CCNB3: variants seen among roughly 807,000 people sequenced by gnomAD.
CCNB3 encodes G2/mitotic-specific cyclin-B3.
Under a neutral mutation model 68.0 loss-of-function variants are expected in CCNB3, and 12 were observed. That is an observed-to-expected ratio of 0.18 (90% CI 0.11 to 0.29). CCNB3 has a LOEUF of 0.29. Ranked by LOEUF, CCNB3 falls within the 10% of genes least tolerant of loss-of-function variation. CCNB3 has a pLI of 1.00. For synonymous variants in CCNB3, 354 were observed against 388.9 expected (o/e 0.91, Z 1.06); for missense variants, 904 against 993.1 (o/e 0.91, Z 1.21).
intron 8 of CCNB3, among the ~76,000 whole-genome samples, chrX:50,336,993 AAGTTGG>A (rs1169885586): frequency 1.8e-5 from 2 of 111,459 alleles, no homozygotes; most frequent in Non-Finnish European, 3.8e-5. Flanking sequence ...TTTTCGGTGT[AAGTTGG>A]AGTATTATTT....
chrX:50,206,317 A>G (rs1325855038), intron 1 of CCNB3, among the ~76,000 whole-genome samples: 2 of 111,475 alleles, frequency 1.8e-5, no homozygotes, highest in Non-Finnish European at 3.8e-5. Context: ...CACTCCTGTA[A>G]TACCAGCACC....
At chrX:50,341,772 A>G (rs1371738902) in intron 8 of CCNB3, 1 of 128,957 alleles carries the variant, frequency 7.8e-6, no homozygotes, top group Non-Finnish European at 1.6e-5. Context: ...ATATATTCTG[A>G]TAGCATATCT....
intron 8 of CCNB3, among the ~76,000 whole-genome samples, chrX:50,328,339 G>A (rs1922399079): frequency 8.9e-6 from 1 of 112,475 alleles, no homozygotes; most frequent in Non-Finnish European, 1.9e-5. Context: ...TAAGCATGAT[G>A]CTGGCATCTG....
intron 1 of CCNB3, among the ~76,000 whole-genome samples, chrX:50,205,347 C>T (rs1327738671): frequency 9.0e-6 from 1 of 111,611 alleles, no homozygotes; most frequent in Non-Finnish European, 1.9e-5. Flanking sequence ...GAGGCTGAGG[C>T]GGAAGAATCG....
At chrX:50,316,278 C>G (rs888035157) in intron 8 of CCNB3, among the ~76,000 whole-genome samples, 4 of 111,363 alleles carry the variant, frequency 3.6e-5, no homozygotes, top group African/African-American at 1.3e-4. Context: ...GCTGTGAGTT[C>G]GTTAAACCTC....
At chrX:50,212,675 C>T (rs1373005108) in intron 1 of CCNB3, among the ~76,000 whole-genome samples, 2 of 110,637 alleles carry the variant, frequency 1.8e-5, no homozygotes, top group Non-Finnish European at 3.8e-5. Context: ...CCCCAGCCAC[C>T]CCTCCACCCC....
chrX:50,289,855 G>A (rs1051733824), intron 4 of CCNB3, among the ~76,000 whole-genome samples: 5 of 111,955 alleles, frequency 4.5e-5, no homozygotes, highest in African/African-American at 1.6e-4. Context: ...AATTGGATAA[G>A]CATTGGTAAG....
intron 1 of CCNB3, among the ~76,000 whole-genome samples, chrX:50,281,898 CT>C (rs1936143669): frequency 9.0e-6 from 1 of 110,938 alleles, no homozygotes; most frequent in African/African-American, 3.3e-5. Flanking sequence ...ATTGTTAACC[CT>C]TTATCTTCAC....
At chrX:50,347,053 G>A (rs1357013166) in intron 10 of CCNB3, among the ~76,000 whole-genome samples, 1 of 110,986 alleles carries the variant, frequency 9.0e-6, no homozygotes, top group African/African-American at 3.3e-5. Context: ...GAGTTGGGGA[G>A]GAGAAACGTT....
chrX:50,338,760 G>A (rs1249761725), intron 8 of CCNB3, among the ~76,000 whole-genome samples: 1 of 112,490 alleles, frequency 8.9e-6, no homozygotes, highest in Non-Finnish European at 1.9e-5. Context: ...TATAACAAGG[G>A]TGACTTTTGC....
intron 1 of CCNB3, among the ~76,000 whole-genome samples, chrX:50,280,236 T>C (rs1355526460): frequency 8.6e-5 from 8 of 93,043 alleles, no homozygotes; most frequent in African/African-American, 2.7e-4. Flanking sequence ...AATATATGTA[T>C]AGAATATAGA....
In CCNB3 at chrX:50,351,607, G is replaced by A. The variant is rs782416561; in HGVS notation, c.4092G>A (p.Pro1364=). 8.3e-7 allele frequency: 1 copy of A among 1,208,768 alleles called. No individual in the cohort carries two copies. The highest frequency in any genetic ancestry group is 1.8e-5 in the South Asian group (1 of 56,790). ...GAGGAGACCCCTCTTCCTTTTGCAG[G>A]GTCTTCTTTGAAGTCGCCAAAATCC... ...LKAVYYKYSH[P]VFFEVAKIPA... The change falls in exon 13 of 13, where the codon CCG becomes CCA. Residue 1364 remains proline, a splice_region_variant and synonymous_variant. Transcript: ENST00000376042.
intron 1 of CCNB3, among the ~76,000 whole-genome samples, chrX:50,226,830 G>A (rs1935840038): frequency 1.6e-5 from 1 of 61,090 alleles, no homozygotes; most frequent in African/African-American, 7.2e-5. Context: ...ATATATACAT[G>A]AATATATATA....
In CCNB3 at chrX:50,309,388, A is replaced by G; in HGVS notation, c.1219A>G (p.Thr407Ala). Residue 407 changes from threonine (T) to alanine (A), a missense_variant, in exon 6 of 13, where the codon ACC becomes GCC. By Grantham distance (58) the Thr-to-Ala change is moderately conservative (BLOSUM62 0). Coordinates refer to ENST00000376042, the MANE Select transcript of CCNB3 (RefSeq NM_033031.3). The stretch of plus-strand genomic sequence containing the variant: ...GAAGCCATTAGTATTGCAGGAGATC[A>G]CCTCTGGAGAGAAGTCGCTCATTAT... ...RLKPLVLQEI[T>A]SGEKSLIMKP... The G allele has an allele frequency of 8.3e-7, 1 of 1,211,557 alleles. No individual in the cohort carries two copies.
chrX:50,218,500 C>T (rs1258816528), intron 1 of CCNB3, among the ~76,000 whole-genome samples: 2 of 111,377 alleles, frequency 1.8e-5, no homozygotes, highest in Non-Finnish European at 3.8e-5. Context: ...TCTCATTTTT[C>T]AACTCCCAGT....
chrX:50,320,773 A>AT (rs782658359), intron 8 of CCNB3, among the ~76,000 whole-genome samples: 46 of 109,929 alleles, frequency 4.2e-4, no homozygotes, highest in African/African-American at 1.3e-3. Context: ...AAGTTTTGTC[A>AT]TTTTTTGCTT....
intron 1 of CCNB3, among the ~76,000 whole-genome samples, chrX:50,279,178 TATA>T (rs1197046120): frequency 0.43 from 117 of 274 alleles, no homozygotes; most frequent in African/African-American, 0.51. Flanking sequence ...TATATATGAA[TATA>T]ATATATTCTC....
intron 5 of CCNB3, among the ~76,000 whole-genome samples, chrX:50,306,920 T>G (rs1450151676): frequency 8.9e-6 from 1 of 112,001 alleles, no homozygotes; most frequent in Non-Finnish European, 1.9e-5. Flanking sequence ...GGTATTGGTC[T>G]GTAGTTTTCT....
chrX:50,225,272 A>AAAGATTTTGT (rs1935734281), intron 1 of CCNB3, among the ~76,000 whole-genome samples: 1 of 111,029 alleles, frequency 9.0e-6, no homozygotes, highest in East Asian at 2.8e-4. Context: ...AGGCTGCGGG[A>AAAGATTTTGT]ACATCTTGTA....
Sources: allele counts gnomAD v4.1 joint callset (sites outside exome capture counted in the v4.1 genomes callset), GRCh38; gene constraint gnomAD v4.1.1; transcripts MANE v1.5; gene names NCBI Gene and HGNC (gene_info 2026-07-23, HGNC 2026-07-21).